ANXA8: variants seen among roughly 807,000 people sequenced by gnomAD.
ANXA8 encodes the protein annexin A8.
In ANXA8, 9 loss-of-function variants were observed where a neutral mutation model predicts 26.8. The ratio of observed to expected loss-of-function variants is 0.34; its 90% confidence interval spans 0.20 to 0.59. The LOEUF is 0.59. Among genes scored for constraint, ANXA8 ranks in the 20% least tolerant of loss-of-function variants. ANXA8 has a pLI of 0.84. For synonymous variants in ANXA8, 39 were observed against 94.8 expected (o/e 0.41, Z 3.42); for missense variants, 83 against 238.5 (o/e 0.35, Z 4.29).
At chr10:47,984,762 G>T in the ANXA8 span, among the ~76,000 whole-genome samples, 39 of 141,344 alleles carry the variant, frequency 2.8e-4, no homozygotes, top group African/African-American at 9.3e-4. Context: ...TTAGTTATTT[G>T]CATGAATAAT....
chr10:47,968,330 T>G, the ANXA8 span, among the ~76,000 whole-genome samples: 1 of 150,444 alleles, frequency 6.6e-6, no homozygotes, highest in Non-Finnish European at 1.5e-5. Context: ...AGGCCTCCAT[T>G]GCCACAGGGG....
At chr10:47,619,255 A>G in the ANXA8 span, among the ~76,000 whole-genome samples, 2 of 113,282 alleles carry the variant, frequency 1.8e-5, no homozygotes, top group African/African-American at 6.8e-5. Flanking sequence ...TTCTACCCCA[A>G]TCAACAGCAA....
the ANXA8 span, among the ~76,000 whole-genome samples, chr10:47,989,702 G>T: frequency 9.6e-5 from 9 of 93,814 alleles, 1 homozygote; most frequent in African/African-American, 2.9e-4. Flanking sequence ...AATATAACTT[G>T]TTCTGTGACA....
the ANXA8 span, among the ~76,000 whole-genome samples, chr10:47,944,664 C>G: frequency 6.6e-6 from 1 of 150,556 alleles, no homozygotes; most frequent in African/African-American, 2.5e-5. Flanking sequence ...AGAAGTTCCC[C>G]TGCACATGCT....
At chr10:47,628,287 T>A in the ANXA8 span, among the ~76,000 whole-genome samples, 1 of 152,132 alleles carries the variant, frequency 6.6e-6, no homozygotes, top group Non-Finnish European at 1.5e-5. Flanking sequence ...TATACGTACC[T>A]TTTTTGTATT....
the ANXA8 span, among the ~76,000 whole-genome samples, chr10:47,687,274 T>TC: frequency 2.7e-5 from 4 of 150,928 alleles, no homozygotes; most frequent in African/African-American, 9.7e-5. Flanking sequence ...ATTTTTTTTT[T>TC]TTTTTTGAGA....
chr10:47,691,385 C>G, the ANXA8 span, among the ~76,000 whole-genome samples: 4 of 141,682 alleles, frequency 2.8e-5, no homozygotes, highest in South Asian at 2.2e-4. Flanking sequence ...GCATTGCTCT[C>G]CTTTCCATTG....
chr10:47,727,474 G>GT, the ANXA8 span, among the ~76,000 whole-genome samples: 12 of 145,058 alleles, frequency 8.3e-5, no homozygotes, highest in Admixed American at 4.9e-4. Context: ...TGTTTTTTGT[G>GT]TTTTTTTTTA....
At chr10:47,928,750 C>CTTTTTT in the ANXA8 span, among the ~76,000 whole-genome samples, 2 of 102,758 alleles carry the variant, frequency 1.9e-5, no homozygotes, top group Middle Eastern at 4.9e-3. Context: ...CTCTCTCTCT[C>CTTTTTT]TTTTTTTTTT....
chr10:47,980,610 A>G, the ANXA8 span, among the ~76,000 whole-genome samples: 2 of 150,686 alleles, frequency 1.3e-5, no homozygotes, highest in Admixed American at 6.6e-5. Flanking sequence ...AAATTATTAA[A>G]TTAATAATGT....
At chr10:47,566,355 C>T in the ANXA8 span, among the ~76,000 whole-genome samples, 2 of 149,278 alleles carry the variant, frequency 1.3e-5, no homozygotes, top group Non-Finnish European at 3.0e-5. Context: ...GGCTGCCGAG[C>T]TTTCGTGAAC....
At chr10:47,664,351 C>T in the ANXA8 span, among the ~76,000 whole-genome samples, 10 of 151,842 alleles carry the variant, frequency 6.6e-5, no homozygotes, top group African/African-American at 2.4e-4. Flanking sequence ...GCACTCCAGC[C>T]TGGGTGACAA....
the ANXA8 span, among the ~76,000 whole-genome samples, chr10:47,749,276 T>C: frequency 7.6e-6 from 1 of 131,860 alleles, no homozygotes; most frequent in Non-Finnish European, 1.6e-5. Flanking sequence ...CTGAGAAAAT[T>C]TGCTGCCAGC....
At chr10:47,567,197 G>T in the ANXA8 span, among the ~76,000 whole-genome samples, 1 of 114,032 alleles carries the variant, frequency 8.8e-6, no homozygotes, top group Non-Finnish European at 1.8e-5. Context: ...GGCAGATAAA[G>T]CCCCCTTGTT....
the ANXA8 span, among the ~76,000 whole-genome samples, chr10:47,967,928 C>T: frequency 1.2e-3 from 166 of 143,142 alleles, 5 homozygotes; most frequent in Admixed American, 0.01. Flanking sequence ...ATTTATTCAG[C>T]GTCATGATCA....
chr10:47,941,757 G>A, the ANXA8 span, among the ~76,000 whole-genome samples: 1 of 147,866 alleles, frequency 6.8e-6, no homozygotes, highest in Non-Finnish European at 1.5e-5. Context: ...GTGAAGCAGG[G>A]TAATTTGGGA....
the ANXA8 span, among the ~76,000 whole-genome samples, chr10:47,492,283 C>CA: frequency 1.4e-5 from 2 of 147,980 alleles, no homozygotes; most frequent in African/African-American, 4.9e-5. Flanking sequence ...CAGAGGGGGG[C>CA]ACAGCACTGG....
the ANXA8 span, among the ~76,000 whole-genome samples, chr10:47,699,344 CAAAAAA>C: frequency 7.4e-5 from 4 of 54,202 alleles, no homozygotes; most frequent in Non-Finnish European, 1.0e-4. Flanking sequence ...ATTCTGTCTC[CAAAAAA>C]AAAAAAAAAA....
the ANXA8 span, among the ~76,000 whole-genome samples, chr10:47,952,076 TA>T: frequency 1.3e-5 from 2 of 148,468 alleles, no homozygotes; most frequent in Admixed American, 6.7e-5. Flanking sequence ...TACTTTTTTT[TA>T]AAAAAATAAA....
Sources: allele counts gnomAD v4.1 joint callset (sites outside exome capture counted in the v4.1 genomes callset), GRCh38; gene constraint gnomAD v4.1.1; transcripts MANE v1.5; gene names NCBI Gene and HGNC (gene_info 2026-07-23, HGNC 2026-07-21).